PRKCZ: variants seen among roughly 807,000 people sequenced by gnomAD.
PRKCZ encodes protein kinase C zeta type.
PRKCZ carries 33 observed loss-of-function variants against 79.5 expected under a neutral mutation model. The observed-to-expected ratio is 0.41, with a 90% CI of 0.31 to 0.55. PRKCZ has a LOEUF of 0.55. Ranked by LOEUF, PRKCZ falls within the 20% of genes least tolerant of loss-of-function variation. The pLI is 0.19. For missense variants in PRKCZ, 578 were observed against 813.5 expected, an observed-to-expected ratio of 0.71 and a Z score of 3.52; for synonymous variants, 342 against 320.9, an observed-to-expected ratio of 1.07 and a Z score of -0.70.
At chr1:2,097,736 G>C (rs1260150584) in intron 4 of PRKCZ, among the ~76,000 whole-genome samples, 1 of 152,220 alleles carries the variant, frequency 6.6e-6, no homozygotes, top group Admixed American at 6.5e-5. Flanking sequence ...AGTGGCCCAG[G>C]ACTTGGGATG....
At position 2,104,764 on chromosome 1, in the gene PRKCZ, G is replaced by A. The variant is rs1226533737; in HGVS notation, c.335-30498G>A. ...GGCAGGACGCAGCGGGCTGGCCTGC[G>A]GGGCTCACTGCTGCCCCCCGGGGCC... On this transcript the variant is annotated intron_variant, in intron 4 of 17. Transcript: ENST00000378567. 19 of 985,812 alleles carry A rather than the reference G, an allele frequency of 1.9e-5. No individual in the cohort carries two copies. In the East Asian group the frequency reaches 1.1e-3, roughly 59 times the overall value. The allele number at this position is 985,812 out of a possible 1,614,324, so 61.1% of individuals were successfully genotyped here. A position where few individuals can be genotyped will look rare whatever the true frequency, so the allele number is the denominator to read the frequency against.
chr1:2,137,141 T>G (rs2103044896), intron 5 of PRKCZ, among the ~76,000 whole-genome samples: 1 of 152,194 alleles, frequency 6.6e-6, no homozygotes, highest in South Asian at 2.1e-4. Context: ...AAACCACTAA[T>G]AAGTCCCGGA....
At chr1:2,116,335 G>A (rs921865031) in intron 4 of PRKCZ, 3 of 152,348 alleles carry the variant, frequency 2.0e-5, no homozygotes, top group East Asian at 1.9e-4. Context: ...CGAGGCTCCC[G>A]GGTTATTGGG....
At chr1:2,070,019 G>C (rs1331804622) in intron 4 of PRKCZ, among the ~76,000 whole-genome samples, 1 of 152,180 alleles carries the variant, frequency 6.6e-6, no homozygotes, top group African/African-American at 2.4e-5. Flanking sequence ...TGAGGGCAGC[G>C]CTGGATGGTC....
chr1:2,111,744 G>C (rs2102716765), intron 4 of PRKCZ: 1 of 152,496 alleles, frequency 6.6e-6, no homozygotes, highest in African/African-American at 2.4e-5. Flanking sequence ...TCCTGGTGTG[G>C]ACAGCACCCA....
intron 1 of PRKCZ, among the ~76,000 whole-genome samples, chr1:2,053,714 A>G (rs1659902523): frequency 6.6e-6 from 1 of 152,118 alleles, no homozygotes; most frequent in South Asian, 2.1e-4. Context: ...GAAGAGGTCA[A>G]AGGTGAAGTG....
chr1:2,120,029 G>A (rs1446997619), intron 4 of PRKCZ, among the ~76,000 whole-genome samples: 2 of 152,126 alleles, frequency 1.3e-5, no homozygotes, highest in Non-Finnish European at 1.5e-5. Flanking sequence ...TTCTAGGCAG[G>A]TAGGGGGTTT....
chr1:2,171,297 G>A lies in PRKCZ; in HGVS notation c.1062-758G>A, dbSNP rs1166309450. Among the ~76,000 whole-genome samples, 10 of 145,868 alleles carry A rather than the reference G, an allele frequency of 6.9e-5. No homozygotes were observed. In the East Asian group the frequency reaches 2.1e-3, roughly 30 times the overall value. On this transcript the variant is annotated intron_variant, in intron 11 of 17. Coordinates refer to ENST00000378567, the MANE Select transcript of PRKCZ (RefSeq NM_002744.6). ...GCAGAGCTTACAGTGAGCCAAGATC[G>A]CGCCATTGCACTCCAGCCTGGGTGA...
Position 2,149,897 on chromosome 1 carries a change from G to A in PRKCZ, c.688-893G>A, listed in dbSNP as rs993163098. On this transcript the variant is annotated intron_variant, in intron 8 of 17. Coordinates refer to ENST00000378567, the MANE Select transcript of PRKCZ (RefSeq NM_002744.6). This position sits in a 1 kb window ranked among gnomAD's most constrained non-coding sequence, Gnocchi z 4.1. ...AATCCGGCTGGGCGCGGTGGCTCAC[G>A]CCTGTAATCCCAGCACTTTGGGAAG... Among the ~76,000 whole-genome samples, 2 of 151,222 alleles carry A rather than the reference G, an allele frequency of 1.3e-5. No homozygotes were observed. Among genetic ancestry groups the A allele is most frequent in the African/African-American group, 4.9e-5 (2 of 41,118 alleles).
At position 2,175,879 on chromosome 1, in the gene PRKCZ, G is replaced by C. The variant is rs532114547; in HGVS notation, c.1575+566G>C. Among the ~76,000 whole-genome samples the C allele has an allele frequency of 9.2e-5, 14 of 152,230 alleles. No homozygotes were observed. The East Asian group carries it at 2.7e-3, about 30-fold the overall frequency. On this transcript the variant is annotated intron_variant, in intron 16 of 17. Coordinates refer to ENST00000378567, the MANE Select transcript of PRKCZ (RefSeq NM_002744.6). ...GCCGCCAGGAGCTAGCGGCACATGC[G>C]TCCTGACCTGTGAGCACATTGGCTG...
intron 9 of PRKCZ, among the ~76,000 whole-genome samples, chr1:2,152,578 T>C (rs1052415420): frequency 2.0e-5 from 3 of 152,188 alleles, no homozygotes; most frequent in Admixed American, 1.3e-4. Flanking sequence ...TAGGCGGCTT[T>C]TAGCATATTG....
intron 4 of PRKCZ, among the ~76,000 whole-genome samples, chr1:2,120,788 A>G (rs958113833): frequency 1.3e-5 from 2 of 149,814 alleles, no homozygotes; most frequent in Non-Finnish European, 3.0e-5. Context: ...TACCCTTTAA[A>G]TTATTAATTT....
chr1:2,155,929 C>G (rs911767977), intron 9 of PRKCZ, 66 bp from the exon 10 acceptor site: 4 of 1,409,962 alleles, frequency 2.8e-6, no homozygotes, highest in Non-Finnish European at 4.0e-6. Context: ...CTTGCCTCCC[C>G]CTTGCCCAGG....
At chr1:2,123,909 C>T (rs867325112) in intron 4 of PRKCZ, among the ~76,000 whole-genome samples, 5 of 1,264 alleles carry the variant, frequency 4.0e-3, no homozygotes, top group African/African-American at 7.2e-3. Flanking sequence ...GTCACGGCGG[C>T]GGTTAGGGTC....
chr1:2,148,847 C>A, intron 7 of PRKCZ, 25 bp from the exon 8 acceptor site: 2 of 1,612,732 alleles, frequency 1.2e-6, no homozygotes, highest in Non-Finnish European at 1.7e-6. Flanking sequence ...CCGTAACGCC[C>A]CTTCCTTCCT....
At chr1:2,107,431 TG>T (rs1668778826) in intron 4 of PRKCZ, among the ~76,000 whole-genome samples, 1 of 152,254 alleles carries the variant, frequency 6.6e-6, no homozygotes, top group Admixed American at 6.5e-5. Context: ...CCCGTTGGGC[TG>T]GGCTGACTGA....
chr1:2,135,582 C>G (rs1467514644), intron 5 of PRKCZ, among the ~76,000 whole-genome samples: 5 of 152,234 alleles, frequency 3.3e-5, no homozygotes, highest in African/African-American at 1.2e-4. Context: ...TGAATGCTGT[C>G]TGTGTCTGCC....
At chr1:2,085,132 C>T (rs1206591714) in intron 4 of PRKCZ, among the ~76,000 whole-genome samples, 1 of 152,080 alleles carries the variant, frequency 6.6e-6, no homozygotes, top group African/African-American at 2.4e-5. Context: ...GGGGGCGATT[C>T]CTCTGTCAGC....
At chr1:2,109,063 G>A (rs999517401) in intron 4 of PRKCZ, among the ~76,000 whole-genome samples, 2 of 152,070 alleles carry the variant, frequency 1.3e-5, no homozygotes, top group African/African-American at 2.4e-5. Flanking sequence ...TGAGGACCCC[G>A]CAATGACGTG....
Sources: gnomAD v4.1 joint callset for allele counts (sites outside exome capture counted in the v4.1 genomes callset) on GRCh38, gnomAD v4.1.1 for gene constraint, Gnocchi (gnomAD v3.1) non-coding constraint, MANE v1.5 for transcripts, NCBI Gene and HGNC (gene_info 2026-07-23, HGNC 2026-07-21) for gene names.